ATG9B: variants seen among roughly 807,000 people sequenced by gnomAD.
ATG9B encodes the protein autophagy-related protein 9B.
A neutral mutation model predicts 92.9 loss-of-function variants in ATG9B; 92 were observed. That is an observed-to-expected ratio of 0.99 (90% confidence interval 0.84 to 1.18). ATG9B has a LOEUF of 1.18. ATG9B is among the 50% of genes most tolerant of loss of function. The pLI is 0.00. For missense variants in ATG9B, 1,344 were observed against 1,235.0 expected, an observed-to-expected ratio of 1.09 and a Z score of -1.32; for synonymous variants, 599 against 551.4, an observed-to-expected ratio of 1.09 and a Z score of -1.21.
Position 151,017,243 on chromosome 7 carries a change from C to T in ATG9B, c.2082G>A (p.Ser694=), listed in dbSNP as rs377498820. Residue 694 remains serine (S), a synonymous_variant, in exon 9 of 14, where the codon TCG becomes TCA. Coordinates refer to ENST00000639579, the MANE Select transcript of ATG9B (RefSeq NM_001317056.2). ...TGCCGTCCTCCGCACGCTGAGACAG[C>T]GAGGCCTCAGTCTGTCCCGCCGAGA... ...QWLSAGQTEA[S]LSQRAEDGKT... 1.6e-5 allele frequency: 25 copies of T among 1,604,320 alleles called. No homozygotes were observed. The highest frequency in any genetic ancestry group is 4.4e-5 in the South Asian group (4 of 90,386).
At position 151,017,002 on chromosome 7, in the gene ATG9B, G is replaced by C. The variant is rs1279415257; in HGVS notation, c.2289+34C>G. ...GGGTTTGGAGAGGAGTTGTGGGGGT[G>C]AAGGCAGAAGGGGAGGCCAGGCTTG... On this transcript the variant is annotated intron_variant, in intron 9 of 13. Transcript: ENST00000639579. 1.9e-6 allele frequency: 3 copies of C among 1,555,836 alleles called. No homozygotes were observed. In the South Asian group the frequency reaches 3.5e-5, roughly 18 times the overall value.
In ATG9B at chr7:151,019,230, C is replaced by G; in HGVS notation, c.1108G>C (p.Ala370Pro). Reference sequence around the variant, plus strand: ...GGCAGCAGGCCTTTGTTGGCCAGCGCCACCTGGTAGTTGGTGTAGCGCAGG... The same window carrying G: ...GGCAGCAGGCCTTTGTTGGCCAGCGGCACCTGGTAGTTGGTGTAGCGCAGG... ...RILRYTNYQV[A>P]LANKGLLPAR... Residue 370 changes from alanine to proline, a missense_variant, in exon 6 of 14, where the codon GCG (alanine) becomes CCG (proline). Ala to Pro is a conservative substitution (Grantham distance 27, BLOSUM62 -1). Transcript: ENST00000639579. 2 of 1,550,424 alleles carry G rather than the reference C, an allele frequency of 1.3e-6. No individual in the cohort carries two copies. The highest frequency in any genetic ancestry group is 1.7e-6 in the Non-Finnish European group (2 of 1,153,656).
chr7:151,012,289 C>T, downstream of ATG9B: 1 of 1,476,646 alleles, frequency 6.8e-7, no homozygotes, highest in Non-Finnish European at 9.1e-7. Flanking sequence ...ACCCACCCTG[C>T]ATGGTGAGAA....
Position 151,018,324 on chromosome 7 carries a change from C to A in ATG9B, c.1842G>T (p.Arg614=). The change falls in exon 7 of 14, where the codon CGG becomes CGT. Residue 614 remains arginine (R), a synonymous_variant. Transcript: ENST00000639579. The surrounding 1 kb of genome is among the most constrained non-coding windows in gnomAD (Gnocchi z 4.7). ...PGPGGRDRAY[R]QMAQLLQYRA... ...GGTACTGCAGCAGCTGCGCCATCTGCCGGTAGGCGCGGTCCCTGCCGCCGG... is the reference window on the plus strand; with the variant it reads ...GGTACTGCAGCAGCTGCGCCATCTGACGGTAGGCGCGGTCCCTGCCGCCGG... The A allele has an allele frequency of 6.3e-7, 1 of 1,586,620 alleles. No homozygotes were observed.
At chr7:151,012,218 G>GT, downstream of ATG9B, 8 of 522,016 alleles carry the variant, frequency 1.5e-5, no homozygotes, top group African/African-American at 2.0e-5. Flanking sequence ...GTTGTTTTTT[G>GT]TTTTTTGTTT....
Position 151,016,724 on chromosome 7 carries a change from A to T in ATG9B, c.2387T>A (p.Leu796His), listed in dbSNP as rs1433912024. Residue 796 changes from leucine (L) to histidine (H), a missense_variant, in exon 10 of 14, where the codon CTC becomes CAC. Transcript: ENST00000639579. ...GGCAATTCGGGAAATGGAGGCAAGG[A>T]GGCTGGCTGTGGCCGCAGCTGGACA... Reference protein sequence around the residue: ...APCPAAATASLLASISRIAQD... With the variant: ...APCPAAATASHLASISRIAQD... 1 of 1,610,308 alleles carries T rather than the reference A, an allele frequency of 6.2e-7. No homozygotes were observed. Among genetic ancestry groups the T allele is most frequent in the Non-Finnish European group, 8.5e-7 (1 of 1,178,296 alleles).
downstream of ATG9B, chr7:151,012,238 T>A: frequency 4.5e-5 from 35 of 781,208 alleles, no homozygotes; most frequent in South Asian, 8.2e-5. Flanking sequence ...TTTTTTTTAA[T>A]TTTTTTTTGA....
downstream of ATG9B, chr7:151,014,029 G>A (rs1795381248): frequency 1.9e-6 from 3 of 1,613,206 alleles, no homozygotes; most frequent in Non-Finnish European, 2.5e-6. Context: ...CTACCACGAA[G>A]ACATTTTCGG....
downstream of ATG9B, chr7:151,013,835 G>A (rs1263176130): frequency 1.2e-6 from 2 of 1,607,642 alleles, no homozygotes; most frequent in South Asian, 2.2e-5. Flanking sequence ...GGCAACCAAC[G>A]TCCTGCAGAC....
At chr7:151,020,947 A>C (rs1795722747) in intron 5 of ATG9B, 1 of 453,540 alleles carries the variant, frequency 2.2e-6, no homozygotes, top group African/African-American at 2.0e-5. Context: ...ACATGTAACT[A>C]TATGTCATCT....
rs1366114007 is a variant in ATG9B at position 151,018,293 on chromosome 7, C to G, written c.1872+1G>C. Reference sequence around the variant, plus strand: ...CAGCCCGCCGTCGCGCCCACCCTCACCGCTCGGTACTGCAGCAGCTGCGCC... The same window carrying G: ...CAGCCCGCCGTCGCGCCCACCCTCAGCGCTCGGTACTGCAGCAGCTGCGCC... On this transcript the variant is annotated splice_donor_variant, in intron 7 of 13. Transcript: ENST00000639579. LOFTEE classifies it high-confidence loss of function. This position sits in a 1 kb window ranked among gnomAD's most constrained non-coding sequence, Gnocchi z 4.7. The G allele has an allele frequency of 9.1e-6, 14 of 1,545,332 alleles. No homozygotes were observed. The highest frequency in any genetic ancestry group is 1.2e-5 in the Non-Finnish European group (14 of 1,155,516).
rs1356468430 is a variant in ATG9B, at chr7:151,023,096, C to A, written c.770G>T (p.Ser257Ile). Residue 257 changes from serine to isoleucine, a missense_variant, in exon 4 of 14, where the codon AGC becomes ATC. Coordinates refer to ENST00000639579, the MANE Select transcript of ATG9B (RefSeq NM_001317056.2). ...SNHTRPGPFH[S>I]KVTLSDAILP... ...GATGGCATCTGACAGGGTCACTTTG[C>A]TGTGGAACGGCCCAGGTCTGGTATG... is the stretch of plus-strand genomic sequence containing the variant. The A allele has an allele frequency of 1.2e-6, 2 of 1,614,044 alleles. No homozygotes were observed. Among genetic ancestry groups the A allele is most frequent in the African/African-American group, 2.7e-5 (2 of 74,916 alleles).
At position 151,015,216 on chromosome 7, in the gene ATG9B, G is replaced by A. The variant is rs918129449; in HGVS notation, c.*512C>T. ...GGATGGGGAGCCACACCCACTTCCT[G>A]GGACATCACACCCGTACTGAAGTCC... is the stretch of plus-strand genomic sequence containing the variant. On this transcript the variant is annotated 3_prime_UTR_variant, in exon 14 of 14. Coordinates refer to ENST00000639579, the MANE Select transcript of ATG9B (RefSeq NM_001317056.2). 5 of 152,216 alleles carry A rather than the reference G, an allele frequency of 3.3e-5. No homozygotes were observed. Among genetic ancestry groups the A allele is most frequent in the African/African-American group, 1.2e-4 (5 of 41,414 alleles). 9.4% of individuals were successfully genotyped at this position (152,216 alleles called of 1,614,324 possible).
In ATG9B at chr7:151,018,753, G is replaced by T. The variant is rs1344137134; in HGVS notation, c.1585C>A (p.Arg529Ser). Reference sequence around the variant, plus strand: ...GCACCCGCGAAGAAAACGAGCTGGCGGGCCAGCAGCGTGCGCAGGGGCGCG... The same window carrying T: ...GCACCCGCGAAGAAAACGAGCTGGCTGGCCAGCAGCGTGCGCAGGGGCGCG... ...PPAPLRTLLA[R>S]QLVFFAGALF... Residue 529 changes from arginine (R) to serine (S), a missense_variant, in exon 6 of 14, where the codon CGC (arginine) becomes AGC (serine). Transcript: ENST00000639579. The surrounding 1 kb of genome is among the most constrained non-coding windows in gnomAD (Gnocchi z 4.7). The T allele has an allele frequency of 1.3e-6, 2 of 1,540,596 alleles. No homozygotes were observed. The highest frequency in any genetic ancestry group is 1.2e-5 in the South Asian group (1 of 85,824).
rs1489759888 is a variant in ATG9B, at chr7:151,019,000, G to T, written c.1338C>A (p.Asn446Lys). The change falls in exon 6 of 14, where the codon AAC becomes AAA. Residue 446 changes from asparagine (N) to lysine (K), a missense_variant. By Grantham distance (94) the Asn-to-Lys change is moderately conservative. Coordinates refer to ENST00000639579, the MANE Select transcript of ATG9B (RefSeq NM_001317056.2). The surrounding 1 kb of genome is among the most constrained non-coding windows in gnomAD (Gnocchi z 4.7). ...GRTVLLLAAL[N>K]LALSPLVLAW... Reference sequence around the variant, plus strand: ...CCAGCACCAGCGGGCTCAGCGCCAGGTTCAGGGCGGCCAGCAGCAGCACTG... The same window carrying T: ...CCAGCACCAGCGGGCTCAGCGCCAGTTTCAGGGCGGCCAGCAGCAGCACTG... The T allele has an allele frequency of 4.5e-6, 7 of 1,570,890 alleles. No individual in the cohort carries two copies. Among genetic ancestry groups the T allele is most frequent in the Non-Finnish European group, 6.0e-6 (7 of 1,163,484 alleles).
At position 151,023,046 on chromosome 7, in the gene ATG9B, T is replaced by A; in HGVS notation, c.820A>T (p.Arg274Trp). The A allele has an allele frequency of 1.2e-6, 2 of 1,614,024 alleles. No individual in the cohort carries two copies. The highest frequency in any genetic ancestry group is 1.7e-6 in the Non-Finnish European group (2 of 1,179,998). Residue 274 changes from arginine (R) to tryptophan (W), a missense_variant and splice_region_variant, in exon 4 of 14, where the codon AGG becomes TGG. Coordinates refer to ENST00000639579, the MANE Select transcript of ATG9B (RefSeq NM_001317056.2). ...AILPSAQCAE[R>W]IRSSPLLVLL... ...GGGCCCCACCAGGTTGTCACTAACC[T>A]CTCAGCACACTGGGCTGAGGGTAGG...
downstream of ATG9B, chr7:151,013,661 G>A: frequency 7.1e-7 from 1 of 1,411,156 alleles, no homozygotes; most frequent in Non-Finnish European, 9.5e-7. Flanking sequence ...CCAGCCAGCA[G>A]CCCCGGGCTG....
chr7:151,014,119 G>T (rs142886510), downstream of ATG9B: 32 of 1,613,204 alleles, frequency 2.0e-5, no homozygotes, highest in Non-Finnish European at 2.5e-5. Context: ...GTTGCGGGGC[G>T]CAGTGCCCTG....
downstream of ATG9B, chr7:151,013,952 G>C: frequency 6.2e-7 from 1 of 1,604,286 alleles, no homozygotes; most frequent in Non-Finnish European, 8.5e-7. Flanking sequence ...GAGCGTGCGG[G>C]GTTCCTGCTA....
Sources: gnomAD v4.1 joint callset for allele counts on GRCh38, gnomAD v4.1.1 for gene constraint, Gnocchi (gnomAD v3.1) non-coding constraint, MANE v1.5 for transcripts, NCBI Gene and HGNC (gene_info 2026-07-23, HGNC 2026-07-21) for gene names.